MDM2: variants seen among roughly 807,000 people sequenced by gnomAD.
MDM2 encodes the protein MDM2 proto-oncogene.
MDM2 carries 11 observed loss-of-function variants against 64.3 expected under a neutral mutation model. The observed-to-expected ratio is 0.17, with a 90% CI of 0.11 to 0.28. MDM2 has a LOEUF of 0.28. MDM2 is among the 10% of genes least tolerant of loss of function. The probability of loss-of-function intolerance (pLI) is 1.00; values close to 1 mark genes in which losing one functional copy is unlikely to be tolerated. For missense variants in MDM2, 388 were observed against 577.1 expected (o/e 0.67, Z 3.36); for synonymous variants, 194 against 192.9 (o/e 1.01, Z -0.05).
chr12:68,810,338 T>G (rs1233618355), intron 2 of MDM2, among the ~76,000 whole-genome samples: 1 of 151,848 alleles, frequency 6.6e-6, no homozygotes, highest in African/African-American at 2.4e-5. Flanking sequence ...AGAAAAAGAT[T>G]TTAGAGAATT....
rs1166760277 is a variant in MDM2 at position 68,813,647 on chromosome 12, TA to T, written c.174+21del. 1 of 1,574,816 alleles carries T rather than the reference TA, an allele frequency of 6.3e-7. No individual in the cohort carries two copies. The highest frequency in any genetic ancestry group is 8.7e-7 in the Non-Finnish European group (1 of 1,146,672). On this transcript the variant is annotated intron_variant, in intron 3 of 10. Coordinates refer to ENST00000258149, the MANE Select transcript of MDM2 (RefSeq NM_002392.6). ...GAAAGAGGTAAGCTGAATCAAGAGA[TA>T]AGTAGTATCTCACTAGTTACATGTA...
At chr12:68,845,749 T>A, downstream of MDM2, 1 of 159,804 alleles carries the variant, frequency 6.3e-6, no homozygotes, top group Non-Finnish European at 1.4e-5. Flanking sequence ...TCTTTCCTAA[T>A]TCCAAAATTT....
At chr12:68,829,717 G>A (rs989760422) in intron 8 of MDM2, among the ~76,000 whole-genome samples, 2 of 147,732 alleles carry the variant, frequency 1.4e-5, no homozygotes, top group Non-Finnish European at 3.0e-5. Context: ...AGTGAGCTGA[G>A]ATTGTGCCAC....
intron 8 of MDM2, among the ~76,000 whole-genome samples, chr12:68,831,370 G>A (rs997720074): frequency 6.6e-6 from 1 of 152,180 alleles, no homozygotes; most frequent in Non-Finnish European, 1.5e-5. Flanking sequence ...GGGCTCAGAG[G>A]ATTGGTTTGA....
At chr12:68,830,908 C>A (rs1275492071) in intron 8 of MDM2, among the ~76,000 whole-genome samples, 1 of 152,132 alleles carries the variant, frequency 6.6e-6, no homozygotes, top group Non-Finnish European at 1.5e-5. Context: ...ACTATGTTGG[C>A]CAGGCTGGTC....
At chr12:68,815,024 C>A (rs1419519633) in intron 3 of MDM2, among the ~76,000 whole-genome samples, 13 of 152,060 alleles carry the variant, frequency 8.5e-5, no homozygotes, top group Admixed American at 6.6e-5. Context: ...TTTCCTTTCC[C>A]ACTGCTGGAC....
intron 2 of MDM2, among the ~76,000 whole-genome samples, chr12:68,812,493 AT>A (rs1227503282): frequency 6.6e-6 from 1 of 152,224 alleles, no homozygotes; most frequent in Non-Finnish European, 1.5e-5. Context: ...TGCATAGTAT[AT>A]TACATTCCCC....
At chr12:68,834,216 C>T (rs898633252) in intron 8 of MDM2, among the ~76,000 whole-genome samples, 9 of 151,834 alleles carry the variant, frequency 5.9e-5, no homozygotes, top group African/African-American at 1.9e-4. Flanking sequence ...GCCGAGGTGG[C>T]GGATCACTAG....
At chr12:68,809,003 T>A in intron 1 of MDM2, 1 of 1,455,070 alleles carries the variant, frequency 6.9e-7, no homozygotes, top group South Asian at 1.5e-5. Flanking sequence ...ATTTAAACCA[T>A]GCATTTTCCC....
At chr12:68,838,798 T>A (rs771968951) in intron 10 of MDM2, among the ~76,000 whole-genome samples, 30 of 152,206 alleles carry the variant, frequency 2.0e-4, no homozygotes, top group Non-Finnish European at 3.7e-4. Flanking sequence ...AGGTACATGA[T>A]TAATATCACA....
chr12:68,840,019 ATAAT>A lies in MDM2; in HGVS notation c.*172_*175del, dbSNP rs1883629973. On this transcript the variant is annotated 3_prime_UTR_variant, in exon 11 of 11. Coordinates refer to ENST00000258149, the MANE Select transcript of MDM2 (RefSeq NM_002392.6). ...GGTAGTGGAATAGTGAATACTTACTATAATTTGACTTGAATATGTAGCTCATCCT... is the reference window on the plus strand; with the variant it reads ...GGTAGTGGAATAGTGAATACTTACTATTGACTTGAATATGTAGCTCATCCT... The A allele has an allele frequency of 1.7e-6, 1 of 586,344 alleles. No individual in the cohort carries two copies. Among genetic ancestry groups the A allele is most frequent in the African/African-American group, 1.9e-5 (1 of 53,010 alleles). The allele number at this position is 586,344 out of a possible 1,614,324, so 36.3% of individuals were successfully genotyped here. A position where few individuals can be genotyped will look rare whatever the true frequency, so the allele number is the denominator to read the frequency against.
At chr12:68,828,956 C>G (rs918143583) in intron 8 of MDM2, 25 bp downstream of exon 8, 3 of 1,609,710 alleles carry the variant, frequency 1.9e-6, no homozygotes, top group African/African-American at 1.3e-5. Flanking sequence ...TTAAGTAAGG[C>G]AAGACTCTTA....
At chr12:68,832,239 G>A (rs1298029835) in intron 8 of MDM2, among the ~76,000 whole-genome samples, 1 of 152,092 alleles carries the variant, frequency 6.6e-6, no homozygotes, top group Non-Finnish European at 1.5e-5. Flanking sequence ...AAAGGAAAGT[G>A]CATTCCTCTC....
chr12:68,833,332 A>ATATTTATAT (rs1883045291), intron 8 of MDM2, among the ~76,000 whole-genome samples: 1 of 66,020 alleles, frequency 1.5e-5, no homozygotes, highest in African/African-American at 4.8e-5. Context: ...TATAAATATA[A>ATATTTATAT]AAATATATAT....
Position 68,843,961 on chromosome 12 carries a change from A to T in MDM2, c.*4112A>T, listed in dbSNP as rs1432712429. The T allele has an allele frequency of 4.8e-6, 1 of 209,868 alleles. No individual in the cohort carries two copies. Among genetic ancestry groups the T allele is most frequent in the Admixed American group, 5.9e-5 (1 of 16,960 alleles). The allele number at this position is 209,868 out of a possible 1,614,324, so 13.0% of individuals were successfully genotyped here. The stretch of plus-strand genomic sequence containing the variant: ...CCTCAAAGCATTATTGGAGTTCATA[A>T]TACTGAAGCTAGAACCAAGCAGAAT... On this transcript the variant is annotated 3_prime_UTR_variant, in exon 11 of 11. Transcript: ENST00000258149.
chr12:68,837,450 C>T lies in MDM2; in HGVS notation c.918+701C>T, dbSNP rs189761568. Among the ~76,000 whole-genome samples, 497 of 152,084 alleles carry T rather than the reference C, an allele frequency of 3.3e-3. 2 individuals are homozygous for T. Among genetic ancestry groups the T allele is most frequent in the African/African-American group, 0.011 (457 of 41,474 alleles). On this transcript the variant is annotated intron_variant, in intron 10 of 10. Coordinates refer to ENST00000258149, the MANE Select transcript of MDM2 (RefSeq NM_002392.6). Reference sequence around the variant, plus strand: ...TCATGGCTCACTGCAGCCCCCACCTCCCAGGCTCAAGTGATCCTCCCACCT... The same window carrying T: ...TCATGGCTCACTGCAGCCCCCACCTTCCAGGCTCAAGTGATCCTCCCACCT...
At chr12:68,816,460 C>T (rs1021054290) in intron 3 of MDM2, among the ~76,000 whole-genome samples, 1 of 147,816 alleles carries the variant, frequency 6.8e-6, no homozygotes, top group Non-Finnish European at 1.5e-5. Context: ...GCAGCCTCCA[C>T]CTCCTGGGTT....
At chr12:68,833,216 T>G (rs1248020581) in intron 8 of MDM2, among the ~76,000 whole-genome samples, 2 of 129,394 alleles carry the variant, frequency 1.5e-5, no homozygotes, top group African/African-American at 5.8e-5. Context: ...ATAAATCTAT[T>G]ATATATTAAT....
intron 8 of MDM2, among the ~76,000 whole-genome samples, chr12:68,830,542 T>C (rs1882709515): frequency 6.6e-6 from 1 of 151,802 alleles, no homozygotes; most frequent in African/African-American, 2.4e-5. Context: ...GGTTCTTGCC[T>C]TCATTGGGAG....
Sources: allele counts gnomAD v4.1 joint callset (sites outside exome capture counted in the v4.1 genomes callset), GRCh38; gene constraint gnomAD v4.1.1; transcripts MANE v1.5; gene names NCBI Gene and HGNC (gene_info 2026-07-23, HGNC 2026-07-21).